TMEM117: variants seen among roughly 807,000 people sequenced by gnomAD.
The protein encoded by TMEM117 is transmembrane protein 117.
A neutral mutation model predicts 52.4 loss-of-function variants in TMEM117; 27 were observed. The observed-to-expected ratio is 0.51, with a 90% CI of 0.38 to 0.71. The LOEUF (loss-of-function observed/expected upper bound fraction) is 0.71, where lower values mean the gene tolerates loss of function less well. Ranked by LOEUF, TMEM117 falls within the 30% of genes least tolerant of loss-of-function variation. The pLI is 0.00. For synonymous variants in TMEM117, 215 were observed against 206.3 expected, an observed-to-expected ratio of 1.04 and a Z score of -0.36; for missense variants, 556 against 630.5, an observed-to-expected ratio of 0.88 and a Z score of 1.26.
chr12:44,242,532 A>G (rs939904414), intron 5 of TMEM117, among the ~76,000 whole-genome samples: 12 of 151,318 alleles, frequency 7.9e-5, no homozygotes, highest in Admixed American at 1.3e-4. Flanking sequence ...TCTTTATTCA[A>G]TCTGTCATTG....
At chr12:44,145,526 A>T (rs1948630726) in intron 4 of TMEM117, among the ~76,000 whole-genome samples, 1 of 152,212 alleles carries the variant, frequency 6.6e-6, no homozygotes, top group Non-Finnish European at 1.5e-5. Context: ...CTGTGATGTG[A>T]CTTAAAATGC....
At chr12:43,963,175 T>C (rs1044274343) in intron 3 of TMEM117, among the ~76,000 whole-genome samples, 1 of 150,362 alleles carries the variant, frequency 6.7e-6, no homozygotes, top group African/African-American at 2.4e-5. Flanking sequence ...ATTTTAAATA[T>C]ATTATAAATT....
intron 4 of TMEM117, among the ~76,000 whole-genome samples, chr12:44,174,870 G>C (rs1278161494): frequency 6.6e-6 from 1 of 152,196 alleles, no homozygotes; most frequent in East Asian, 1.9e-4. Flanking sequence ...GGTGATGCCT[G>C]AAGAATGAAA....
intron 4 of TMEM117, among the ~76,000 whole-genome samples, chr12:44,155,248 T>G (rs957722290): frequency 3.3e-5 from 5 of 152,116 alleles, no homozygotes; most frequent in African/African-American, 1.2e-4. Flanking sequence ...ATGAATCTAT[T>G]CACTTAACAA....
At chr12:44,075,365 A>G (rs895211690) in intron 3 of TMEM117, among the ~76,000 whole-genome samples, 8 of 152,206 alleles carry the variant, frequency 5.3e-5, no homozygotes, top group African/African-American at 1.9e-4. Flanking sequence ...AGTTGGCTTC[A>G]TGAGCATGTG....
chr12:44,093,193 G>A (rs563060811), intron 3 of TMEM117, among the ~76,000 whole-genome samples: 1 of 152,126 alleles, frequency 6.6e-6, no homozygotes, highest in Non-Finnish European at 1.5e-5. Context: ...CTGGTCAAGG[G>A]AGATTTTTTT....
chr12:44,126,726 T>C (rs966923244), intron 3 of TMEM117, among the ~76,000 whole-genome samples: 1 of 152,216 alleles, frequency 6.6e-6, no homozygotes, highest in Non-Finnish European at 1.5e-5. Flanking sequence ...ACACCCAACA[T>C]AAACATGACC....
chr12:44,079,430 T>C (rs527306375), intron 3 of TMEM117, among the ~76,000 whole-genome samples: 13 of 152,176 alleles, frequency 8.5e-5, no homozygotes, highest in Non-Finnish European at 1.9e-4. Flanking sequence ...TGGTATCTCA[T>C]TGTGGTTTTG....
chr12:44,226,062 A>G (rs1468924906), intron 5 of TMEM117, among the ~76,000 whole-genome samples: 2 of 152,216 alleles, frequency 1.3e-5, no homozygotes, highest in Non-Finnish European at 2.9e-5. Flanking sequence ...TATAGACTCT[A>G]CATTTACATG....
At chr12:44,210,970 T>C (rs1949637768) in intron 4 of TMEM117, among the ~76,000 whole-genome samples, 1 of 152,114 alleles carries the variant, frequency 6.6e-6, no homozygotes, top group Non-Finnish European at 1.5e-5. Context: ...AGACAAACTT[T>C]AAAAGAATAT....
chr12:44,273,590 C>T (rs1042371396), intron 5 of TMEM117, among the ~76,000 whole-genome samples: 3 of 151,860 alleles, frequency 2.0e-5, no homozygotes, highest in African/African-American at 7.3e-5. Context: ...AAACCAAATT[C>T]AACAATAAAT....
intron 4 of TMEM117, among the ~76,000 whole-genome samples, chr12:44,147,431 C>T (rs559338167): frequency 1.3e-5 from 2 of 152,190 alleles, no homozygotes; most frequent in East Asian, 3.9e-4. Context: ...TTGCTTCTGC[C>T]CTTAATTTAA....
intron 5 of TMEM117, among the ~76,000 whole-genome samples, chr12:44,212,025 T>C (rs565027539): frequency 1.1e-4 from 17 of 152,324 alleles, no homozygotes; most frequent in South Asian, 4.1e-4. Context: ...TGATATAATA[T>C]ACAGTTGAAT....
chr12:44,208,318 T>G (rs184956141), intron 4 of TMEM117, among the ~76,000 whole-genome samples: 1 of 152,134 alleles, frequency 6.6e-6, no homozygotes. Flanking sequence ...AGAGACCTAG[T>G]AGAGAGGAAA....
chr12:44,256,492 A>C (rs1169828127), intron 5 of TMEM117, among the ~76,000 whole-genome samples: 1 of 152,078 alleles, frequency 6.6e-6, no homozygotes, highest in African/African-American at 2.4e-5. Flanking sequence ...TCACAAGATG[A>C]AATTACTCTT....
chr12:44,297,897 T>G (rs1471010078), intron 5 of TMEM117, among the ~76,000 whole-genome samples: 1 of 152,212 alleles, frequency 6.6e-6, no homozygotes, highest in East Asian at 1.9e-4. Flanking sequence ...CTCCCATGCT[T>G]ATTTAATTCA....
At chr12:43,929,046 A>C (rs1944829780) in intron 2 of TMEM117, among the ~76,000 whole-genome samples, 1 of 151,672 alleles carries the variant, frequency 6.6e-6, no homozygotes, top group East Asian at 1.9e-4. Context: ...ATAGTGCCAC[A>C]ATAAACATAT....
intron 5 of TMEM117, among the ~76,000 whole-genome samples, chr12:44,212,371 A>G (rs891429547): frequency 1.3e-5 from 2 of 152,120 alleles, no homozygotes; most frequent in African/African-American, 4.8e-5. Flanking sequence ...GCTGTGTCCA[A>G]GTGATCCTTA....
At chr12:44,339,153 C>G (rs1951382579) in intron 6 of TMEM117, among the ~76,000 whole-genome samples, 1 of 152,038 alleles carries the variant, frequency 6.6e-6, no homozygotes, top group Admixed American at 6.6e-5. Flanking sequence ...CAGAAACTCT[C>G]TGACCATGTT....
Sources: allele counts gnomAD v4.1 joint callset (sites outside exome capture counted in the v4.1 genomes callset), GRCh38; gene constraint gnomAD v4.1.1; transcripts MANE v1.5; gene names NCBI Gene and HGNC (gene_info 2026-07-23, HGNC 2026-07-21).